FBXO36: variants seen among roughly 807,000 people sequenced by gnomAD.
FBXO36 encodes F-box protein 36.
A neutral mutation model predicts 17.0 loss-of-function variants in FBXO36; 18 were observed. That is an observed-to-expected ratio of 1.06 (90% CI 0.73 to 1.57). FBXO36 has a LOEUF of 1.57. Among genes scored for constraint, FBXO36 ranks in the 40% most tolerant of loss-of-function variants. The probability of loss-of-function intolerance (pLI) is 0.00; values close to 1 mark genes in which losing one functional copy is unlikely to be tolerated. For synonymous variants in FBXO36, 83 were observed against 85.3 expected (o/e 0.97, Z 0.15); for missense variants, 229 against 221.9 (o/e 1.03, Z -0.20).
intron 1 of FBXO36, among the ~76,000 whole-genome samples, chr2:229,930,300 C>T (rs2076932690): frequency 1.3e-5 from 2 of 151,754 alleles, no homozygotes; most frequent in Admixed American, 1.3e-4. Context: ...GAGCCATGAT[C>T]GTGCCAGTGC....
chr2:229,960,159 AATTT>A (rs1165698538), intron 1 of FBXO36, among the ~76,000 whole-genome samples: 3 of 151,614 alleles, frequency 2.0e-5, no homozygotes, highest in African/African-American at 7.3e-5. Context: ...ATCCATCTAG[AATTT>A]ATTTATTTAT....
intron 1 of FBXO36, chr2:229,943,303 G>A (rs2077009774): frequency 6.6e-6 from 1 of 152,286 alleles, no homozygotes. Context: ...ATCAGGTTAA[G>A]AGGGTTTTCC....
chr2:229,970,945 T>TCATTGTCTTAATGAAAA (rs1430588705), intron 1 of FBXO36, among the ~76,000 whole-genome samples: 1 of 152,160 alleles, frequency 6.6e-6, no homozygotes, highest in Non-Finnish European at 1.5e-5. Context: ...TGTCTTAATT[T>TCATTGTCTTAATGAAAA]CCTGGCTCCC....
At chr2:229,923,847 G>GTTTTT (rs71045800) in intron 1 of FBXO36, among the ~76,000 whole-genome samples, 855 of 77,646 alleles carry the variant, frequency 0.011, no homozygotes, top group Non-Finnish European at 0.013. Context: ...TTTTGGTGTT[G>GTTTTT]TTTTTTTTTT....
At chr2:229,959,034 T>G (rs555504540) in intron 1 of FBXO36, among the ~76,000 whole-genome samples, 64 of 152,274 alleles carry the variant, frequency 4.2e-4, no homozygotes, top group Non-Finnish European at 8.7e-4. Context: ...GCTCTCAAAG[T>G]CTCCTTTGTT....
intron 1 of FBXO36, among the ~76,000 whole-genome samples, chr2:229,923,749 C>T (rs1181855672): frequency 2.0e-5 from 3 of 151,010 alleles, no homozygotes; most frequent in Non-Finnish European, 4.4e-5. Context: ...CAGGGTCAGA[C>T]TCAAATTTTT....
At chr2:230,009,366 T>C (rs2077402942) in intron 3 of FBXO36, among the ~76,000 whole-genome samples, 1 of 152,210 alleles carries the variant, frequency 6.6e-6, no homozygotes, top group African/African-American at 2.4e-5. Context: ...AGTAAGAATG[T>C]GCGCTATTTG....
chr2:229,989,097 T>C (rs1418193731), intron 2 of FBXO36, among the ~76,000 whole-genome samples: 1 of 152,104 alleles, frequency 6.6e-6, no homozygotes, highest in African/African-American at 2.4e-5. Context: ...AAATGCTTAC[T>C]AAGTTATAAT....
intron 2 of FBXO36, among the ~76,000 whole-genome samples, chr2:229,995,588 C>CTTTTTTTTTTTTTT (rs1560454291): frequency 3.3e-5 from 4 of 121,346 alleles, no homozygotes; most frequent in Non-Finnish European, 6.9e-5. Context: ...CTTTCTCTTT[C>CTTTTTTTTTTTTTT]TTTCTTTCTT....
At chr2:229,993,316 T>C (rs890539671) in intron 2 of FBXO36, among the ~76,000 whole-genome samples, 4 of 152,172 alleles carry the variant, frequency 2.6e-5, no homozygotes, top group Admixed American at 2.6e-4. Flanking sequence ...ATTTATTGTC[T>C]CTAAGGGCAG....
intron 1 of FBXO36, among the ~76,000 whole-genome samples, chr2:229,955,910 C>A (rs760200611): frequency 6.6e-6 from 1 of 152,134 alleles, no homozygotes; most frequent in Non-Finnish European, 1.5e-5. Flanking sequence ...GGATTCAGGT[C>A]CCACTGAGCA....
intron 1 of FBXO36, among the ~76,000 whole-genome samples, chr2:229,934,073 C>T (rs1488848641): frequency 1.3e-5 from 2 of 151,986 alleles, no homozygotes; most frequent in African/African-American, 4.8e-5. Flanking sequence ...AATTATATTT[C>T]CTTCTTTTCT....
chr2:229,996,266 TAA>T (rs112507619), intron 2 of FBXO36, among the ~76,000 whole-genome samples: 3 of 140,390 alleles, frequency 2.1e-5, no homozygotes, highest in African/African-American at 5.2e-5. Flanking sequence ...CGACCCCATC[TAA>T]AAAAAAAAAA....
At chr2:229,949,729 T>C (rs1577335966) in intron 1 of FBXO36, among the ~76,000 whole-genome samples, 2 of 151,568 alleles carry the variant, frequency 1.3e-5, no homozygotes, top group East Asian at 2.0e-4. Flanking sequence ...ATTGAGACCA[T>C]CCTGGCTGAC....
intron 1 of FBXO36, among the ~76,000 whole-genome samples, chr2:229,975,717 C>G (rs1371887303): frequency 6.6e-6 from 1 of 151,836 alleles, no homozygotes; most frequent in African/African-American, 2.4e-5. Context: ...CTCAAGCAAT[C>G]CTCCCACCTC....
intron 1 of FBXO36, among the ~76,000 whole-genome samples, chr2:229,961,768 T>C (rs2077122799): frequency 6.6e-6 from 1 of 152,220 alleles, no homozygotes; most frequent in Non-Finnish European, 1.5e-5. Flanking sequence ...TACATATTCA[T>C]TTGGGAAGGG....
In FBXO36 at chr2:229,947,138, A is replaced by G. The variant is rs2077031355; in HGVS notation, c.96+24529A>G. Among the ~76,000 whole-genome samples the G allele has an allele frequency of 2.6e-5, 4 of 152,208 alleles. No homozygotes were observed. The South Asian group carries it at 8.3e-4, about 31-fold the overall frequency. On this transcript the variant is annotated intron_variant, in intron 1 of 3. Coordinates refer to ENST00000283946, the MANE Select transcript of FBXO36 (RefSeq NM_174899.5). ...AGCCGAGATCACACCATTGCACTCC[A>G]GCCTGGACAACAAGAGCGAAACTCT...
chr2:229,987,823 G>A (rs907128058), intron 2 of FBXO36, among the ~76,000 whole-genome samples: 1 of 151,956 alleles, frequency 6.6e-6, no homozygotes, highest in African/African-American at 2.4e-5. Context: ...GTCTCACTAT[G>A]GTGCGCAGGC....
chr2:229,959,893 C>G (rs370629900), intron 1 of FBXO36, among the ~76,000 whole-genome samples: 1 of 151,892 alleles, frequency 6.6e-6, no homozygotes, highest in African/African-American at 2.4e-5. Flanking sequence ...ATCTGAAGAC[C>G]TAGGAGAGGA....
Sources: allele counts gnomAD v4.1 joint callset (sites outside exome capture counted in the v4.1 genomes callset), GRCh38; gene constraint gnomAD v4.1.1; transcripts MANE v1.5; gene names NCBI Gene and HGNC (gene_info 2026-07-23, HGNC 2026-07-21).